The following GPR180 variants were observed in gnomAD, a reference collection of about 807,000 sequenced individuals.
GPR180 encodes the protein G protein-coupled receptor 180.
A neutral mutation model predicts 52.6 loss-of-function variants in GPR180; 53 were observed. The ratio of observed to expected loss-of-function variants is 1.01; its 90% confidence interval spans 0.81 to 1.27. The LOEUF (loss-of-function observed/expected upper bound fraction) is 1.27, where lower values mean the gene tolerates loss of function less well. GPR180 is among the 50% of genes most tolerant of loss of function. The probability of loss-of-function intolerance (pLI) is 0.00; values close to 1 mark genes in which losing one functional copy is unlikely to be tolerated. For synonymous variants in GPR180, 200 were observed against 193.1 expected (o/e 1.04, Z -0.30); for missense variants, 533 against 527.0 (o/e 1.01, Z -0.11).
intron 3 of GPR180, among the ~76,000 whole-genome samples, chr13:94,618,208 G>A (rs962477622): frequency 2.0e-5 from 3 of 151,958 alleles, no homozygotes; most frequent in Non-Finnish European, 4.4e-5. Flanking sequence ...AGTTTGATTC[G>A]TCTGGCCTGT....
rs1890020697 is a variant in GPR180, at chr13:94,633,079, A to G, written c.*5908A>G. The G allele has an allele frequency of 1.3e-5, 2 of 152,172 alleles. No individual in the cohort carries two copies. Among genetic ancestry groups the G allele is most frequent in the African/African-American group, 4.8e-5 (2 of 41,424 alleles). 9.4% of individuals were successfully genotyped at this position (152,172 alleles called of 1,614,324 possible). A position where few individuals can be genotyped will look rare whatever the true frequency, so the allele number is the denominator to read the frequency against. On this transcript the variant is annotated 3_prime_UTR_variant, in exon 9 of 9. Transcript: ENST00000376958. Reference sequence around the variant, plus strand: ...GATTTGTATCCTTTTGCTATAATAAACTGTAATAGTACGCATAGCACTTTG... The same window carrying G: ...GATTTGTATCCTTTTGCTATAATAAGCTGTAATAGTACGCATAGCACTTTG...
intron 2 of GPR180, among the ~76,000 whole-genome samples, chr13:94,606,155 G>C (rs367974681): frequency 1.3e-5 from 2 of 152,166 alleles, no homozygotes; most frequent in Non-Finnish European, 2.9e-5. Flanking sequence ...AATTAGACAG[G>C]TGTGATGGCA....
intron 3 of GPR180, among the ~76,000 whole-genome samples, chr13:94,617,795 C>T (rs1889797284): frequency 6.6e-6 from 1 of 152,124 alleles, no homozygotes; most frequent in Non-Finnish European, 1.5e-5. Context: ...AATGAAAGTT[C>T]ATCCATAGAC....
At chr13:94,622,163 A>G (rs1322467518) in intron 6 of GPR180, among the ~76,000 whole-genome samples, 1 of 152,168 alleles carries the variant, frequency 6.6e-6, no homozygotes, top group East Asian at 1.9e-4. Flanking sequence ...GAAAGGAGGT[A>G]GTGCCAGGAA....
chr13:94,619,624 C>A, intron 5 of GPR180, 107 bp downstream of exon 5: 1 of 908,866 alleles, frequency 1.1e-6, no homozygotes, highest in South Asian at 1.5e-5. Context: ...GTTTAGAAAT[C>A]AGCTTGACTG....
chr13:94,626,903 A>C (rs1889935391), intron 8 of GPR180, 110 bp from the exon 9 acceptor site: 1 of 780,794 alleles, frequency 1.3e-6, no homozygotes, highest in Non-Finnish European at 1.8e-6. Flanking sequence ...GTAAAGATGA[A>C]AGATAGAGTA....
In GPR180 at chr13:94,629,808, A is replaced by G. The variant is rs1253571315; in HGVS notation, c.*2637A>G. 1 of 152,200 alleles carries G rather than the reference A, an allele frequency of 6.6e-6. No individual in the cohort carries two copies. Among genetic ancestry groups the G allele is most frequent in the Non-Finnish European group, 1.5e-5 (1 of 68,034 alleles). 9.4% of individuals were successfully genotyped at this position (152,200 alleles called of 1,614,324 possible). On this transcript the variant is annotated 3_prime_UTR_variant, in exon 9 of 9. Coordinates refer to ENST00000376958, the MANE Select transcript of GPR180 (RefSeq NM_180989.6). The stretch of plus-strand genomic sequence containing the variant: ...TAGGCAGAAGAGCTTGCTTTAGGGT[A>G]ATTATTTATTATCTCCAGTAAAGTC...
chr13:94,622,973 TATTA>T lies in GPR180; in HGVS notation c.895-130_895-127del, dbSNP rs1889870736. 22 of 632,438 alleles carry T rather than the reference TATTA, an allele frequency of 3.5e-5. 1 individual carries two copies. The South Asian group carries it at 4.3e-4, about 12-fold the overall frequency. 39.2% of individuals were successfully genotyped at this position (632,438 alleles called of 1,614,324 possible). Reference sequence around the variant, plus strand: ...TTAGAGTGATGAAAAGACTGTACTTTATTAATTAACAACCTCTATGGTCTGATAG... The same window carrying T: ...TTAGAGTGATGAAAAGACTGTACTTTATTAACAACCTCTATGGTCTGATAG... On this transcript the variant is annotated intron_variant, in intron 6 of 8. Coordinates refer to ENST00000376958, the MANE Select transcript of GPR180 (RefSeq NM_180989.6).
chr13:94,619,933 G>T (rs1594476963), intron 5 of GPR180, among the ~76,000 whole-genome samples: 1 of 152,236 alleles, frequency 6.6e-6, no homozygotes, highest in South Asian at 2.1e-4. Context: ...TGTTGCCCAG[G>T]CTGGCCTTAT....
rs1052127599 is a variant in GPR180 at position 94,630,477 on chromosome 13, A to G, written c.*3306A>G. ...TTATTTCAAAAAGTTTAAAAATCAT[A>G]TAAATCAGATCAAACTACTACTTCC... On this transcript the variant is annotated 3_prime_UTR_variant, in exon 9 of 9. Transcript: ENST00000376958. 2 of 152,264 alleles carry G rather than the reference A, an allele frequency of 1.3e-5. No homozygotes were observed. The highest frequency in any genetic ancestry group is 1.3e-4 in the Admixed American group (2 of 15,290). The allele number at this position is 152,264 out of a possible 1,614,324, so 9.4% of individuals were successfully genotyped here. A position where few individuals can be genotyped will look rare whatever the true frequency, so the allele number is the denominator to read the frequency against.
rs1385629915 is a variant in GPR180, at chr13:94,628,908, A to C, written c.*1737A>C. 1.3e-5 allele frequency: 2 copies of C among 152,140 alleles called. No homozygotes were observed. The highest frequency in any genetic ancestry group is 2.9e-5 in the Non-Finnish European group (2 of 67,950). 9.4% of individuals were successfully genotyped at this position (152,140 alleles called of 1,614,324 possible). Reference sequence around the variant, plus strand: ...TTTTCATGAATTTTGTGAACTTGCCAAAAGGGGAAGGGAAAAATCTTTGTG... The same window carrying C: ...TTTTCATGAATTTTGTGAACTTGCCCAAAGGGGAAGGGAAAAATCTTTGTG... On this transcript the variant is annotated 3_prime_UTR_variant, in exon 9 of 9. Transcript: ENST00000376958.
intron 2 of GPR180, among the ~76,000 whole-genome samples, chr13:94,608,207 C>T (rs563013246): frequency 2.0e-5 from 3 of 152,296 alleles, no homozygotes; most frequent in East Asian, 1.9e-4. Context: ...AACAAGAACT[C>T]GTTATCTTTG....
At chr13:94,615,814 T>C (rs982576162) in intron 3 of GPR180, among the ~76,000 whole-genome samples, 2 of 152,252 alleles carry the variant, frequency 1.3e-5, no homozygotes, top group Non-Finnish European at 2.9e-5. Flanking sequence ...GTTCATTCTT[T>C]AGTGTTATCC....
At chr13:94,609,888 T>G (rs2139565566) in intron 2 of GPR180, among the ~76,000 whole-genome samples, 1 of 152,214 alleles carries the variant, frequency 6.6e-6, no homozygotes, top group Non-Finnish European at 1.5e-5. Flanking sequence ...ACAGTCCAAG[T>G]CCTCAAAATT....
intron 3 of GPR180, among the ~76,000 whole-genome samples, chr13:94,613,155 G>A (rs975369692): frequency 1.1e-4 from 16 of 152,198 alleles, no homozygotes; most frequent in African/African-American, 2.9e-4. Context: ...AAAGCATTAA[G>A]GGTTTACCTC....
intron 1 of GPR180, among the ~76,000 whole-genome samples, chr13:94,604,547 G>A (rs1594470071): frequency 6.6e-6 from 1 of 151,838 alleles, no homozygotes; most frequent in Admixed American, 6.6e-5. Flanking sequence ...CCGAGATTGC[G>A]CCACTGCACT....
In GPR180 at chr13:94,634,386, ATACATATATAG is replaced by A. The variant is rs1223985735; in HGVS notation, c.*7223_*7233del. ...GCCTTTCTGATTTTTTAAAACTTGT[ATACATATATAG>A]TACATATTATATATACTTATATATT... On this transcript the variant is annotated 3_prime_UTR_variant, in exon 9 of 9. Transcript: ENST00000376958. 1 of 152,052 alleles carries A rather than the reference ATACATATATAG, an allele frequency of 6.6e-6. No homozygotes were observed. The highest frequency in any genetic ancestry group is 1.5e-5 in the Non-Finnish European group (1 of 68,004). 9.4% of individuals were successfully genotyped at this position (152,052 alleles called of 1,614,324 possible).
chr13:94,604,327 A>G (rs1197213789), intron 1 of GPR180, among the ~76,000 whole-genome samples: 1 of 135,152 alleles, frequency 7.4e-6, no homozygotes, highest in Non-Finnish European at 1.6e-5. Context: ...GGGCGAGAAT[A>G]TGTCTCAAAA....
Position 94,619,455 on chromosome 13 carries a change from T to A in GPR180, c.687-13T>A. 2 of 1,611,426 alleles carry A rather than the reference T, an allele frequency of 1.2e-6. No individual in the cohort carries two copies. The highest frequency in any genetic ancestry group is 1.7e-6 in the Non-Finnish European group (2 of 1,178,492). On this transcript the variant is annotated splice_polypyrimidine_tract_variant and intron_variant, in intron 4 of 8. Transcript: ENST00000376958. ...ACATTTGTAATTTACACTACTCTTC[T>A]TCAATTCCTCAGTTACTCCAAAGAT...
Sources: gnomAD v4.1 joint callset for allele counts (sites outside exome capture counted in the v4.1 genomes callset) on GRCh38, gnomAD v4.1.1 for gene constraint, MANE v1.5 for transcripts, NCBI Gene and HGNC (gene_info 2026-07-23, HGNC 2026-07-21) for gene names.